Variants in STARD3 observed in about 807,000 individuals in gnomAD.
STARD3 encodes the protein stAR-related lipid transfer protein 3.
In STARD3, 39 loss-of-function variants were observed where a neutral mutation model predicts 62.0. The observed-to-expected ratio is 0.63, with a 90% CI of 0.49 to 0.82. The LOEUF is 0.82. STARD3 is among the 40% of genes least tolerant of loss of function. STARD3 has a pLI of 0.00. For missense variants in STARD3, 543 were observed against 584.5 expected, an observed-to-expected ratio of 0.93 and a Z score of 0.73; for synonymous variants, 229 against 242.4, an observed-to-expected ratio of 0.94 and a Z score of 0.51.
Position 39,663,562 on chromosome 17 carries a change from TCA to T in STARD3, c.*659_*660del, listed in dbSNP as rs1322151370. The stretch of plus-strand genomic sequence containing the variant: ...AGCTTGGATGAAGAGGGAAGACCCC[TCA>T]CACAGCCTCTCCTGGGCTCACAGGA... On this transcript the variant is annotated 3_prime_UTR_variant, in exon 15 of 15. Transcript: ENST00000336308. 1 of 151,662 alleles carries T rather than the reference TCA, an allele frequency of 6.6e-6. No individual in the cohort carries two copies. Among genetic ancestry groups the T allele is most frequent in the Non-Finnish European group, 1.5e-5 (1 of 68,072 alleles). The allele number at this position is 151,662 out of a possible 1,614,324, so 9.4% of individuals were successfully genotyped here.
Position 39,662,338 on chromosome 17 carries a change from T to C in STARD3, c.1227T>C (p.Asp409=). The C allele has an allele frequency of 6.2e-7, 1 of 1,613,746 alleles. No homozygotes were observed. Among genetic ancestry groups the C allele is most frequent in the Non-Finnish European group, 8.5e-7 (1 of 1,179,866 alleles). Residue 409 remains aspartate (D), a synonymous_variant, in exon 14 of 15, where the codon GAT becomes GAC. Coordinates refer to ENST00000336308, the MANE Select transcript of STARD3 (RefSeq NM_006804.4). ...VCTFVWILNT[D]LKGRLPRYLI... is the part of the protein sequence containing the mutation. Reference sequence around the variant, plus strand: ...CCTTTGTCTGGATTCTTAATACAGATCTCAAGGTGGGGTGCTGGGGGGCTG... The same window carrying C: ...CCTTTGTCTGGATTCTTAATACAGACCTCAAGGTGGGGTGCTGGGGGGCTG...
chr17:39,654,508 G>C (rs1322419585), intron 2 of STARD3, among the ~76,000 whole-genome samples: 1 of 152,200 alleles, frequency 6.6e-6, no homozygotes, highest in Non-Finnish European at 1.5e-5. Context: ...CTGGAGACCA[G>C]AGCTGCCCCA....
At chr17:39,656,757 G>A (rs748952758) in intron 2 of STARD3, 81 of 498,350 alleles carry the variant, frequency 1.6e-4, no homozygotes, top group Non-Finnish European at 2.6e-4. Context: ...CCCTTCCTGG[G>A]CAGGGTGCTG....
In STARD3 at chr17:39,662,900, C is replaced by T. The variant is rs188080925; in HGVS notation, c.1330C>T (p.Arg444Trp). The T allele has an allele frequency of 7.5e-5, 121 of 1,611,034 alleles. No homozygotes were observed. The highest frequency in any genetic ancestry group is 2.5e-4 in the East Asian group (11 of 44,588). ...ACAGCGCATCAGCGAGCTGGGGGCC[C>T]GGGCGTGACTGTGCCCCCTCCCACC... ...LRQRISELGA[R>W]A Residue 444 changes from arginine to tryptophan, a missense_variant, in exon 15 of 15, where the codon CGG becomes TGG. Transcript: ENST00000336308.
chr17:39,659,593 A>G, intron 9 of STARD3, 40 bp downstream of exon 9: 1 of 1,599,286 alleles, frequency 6.3e-7, no homozygotes, highest in Non-Finnish European at 8.6e-7. Context: ...CATGCGTGTT[A>G]GGAGTTTCTG....
In STARD3 at chr17:39,653,769, G is replaced by T. The variant is rs371913835; in HGVS notation, c.219+19G>T. The T allele has an allele frequency of 3.1e-6, 5 of 1,613,512 alleles. No homozygotes were observed. Among genetic ancestry groups the T allele is most frequent in the Non-Finnish European group, 4.2e-6 (5 of 1,179,880 alleles). ...ACTGAATGTGAGTGGGGGCGAGGTGGGGGCACAGGCCATGTTGCAGGCCAC... is the reference window on the plus strand; with the variant it reads ...ACTGAATGTGAGTGGGGGCGAGGTGTGGGCACAGGCCATGTTGCAGGCCAC... On this transcript the variant is annotated intron_variant, in intron 2 of 14. Coordinates refer to ENST00000336308, the MANE Select transcript of STARD3 (RefSeq NM_006804.4).
At position 39,660,535 on chromosome 17, in the gene STARD3, A is replaced by G. The variant is rs2057185027; in HGVS notation, c.954+9A>G. The G allele has an allele frequency of 6.2e-7, 1 of 1,613,650 alleles. No homozygotes were observed. Among genetic ancestry groups the G allele is most frequent in the Non-Finnish European group, 8.5e-7 (1 of 1,179,966 alleles). On this transcript the variant is annotated intron_variant, in intron 11 of 14. Transcript: ENST00000336308. The surrounding 1 kb of genome is among the most constrained non-coding windows in gnomAD (Gnocchi z 4.8). Reference sequence around the variant, plus strand: ...CAGTGACTGCCTGCCAGGTGAGCCCAGTCTGGCTGCCTCTTAAGGCACAGA... The same window carrying G: ...CAGTGACTGCCTGCCAGGTGAGCCCGGTCTGGCTGCCTCTTAAGGCACAGA...
Position 39,660,023 on chromosome 17 carries a change from C to T in STARD3, c.796-188C>T. On this transcript the variant is annotated intron_variant, in intron 9 of 14. Transcript: ENST00000336308. The surrounding 1 kb of genome is among the most constrained non-coding windows in gnomAD (Gnocchi z 4.8). ...CGTCTTTTAACTCGACATCAAAAGCCTCTCTCCTGCCAGTGCCATAGGTTT... is the reference window on the plus strand; with the variant it reads ...CGTCTTTTAACTCGACATCAAAAGCTTCTCTCCTGCCAGTGCCATAGGTTT... 1 of 608,654 alleles carries T rather than the reference C, an allele frequency of 1.6e-6. No individual in the cohort carries two copies. The highest frequency in any genetic ancestry group is 2.9e-6 in the Non-Finnish European group (1 of 342,646). The allele number at this position is 608,654 out of a possible 1,614,324, so 37.7% of individuals were successfully genotyped here.
intron 1 of STARD3, among the ~76,000 whole-genome samples, chr17:39,651,106 G>C (rs774421874): frequency 2.6e-5 from 4 of 152,228 alleles, no homozygotes; most frequent in African/African-American, 4.8e-5. Flanking sequence ...CAGCTTTTCC[G>C]TAGCACTGTG....
intron 8 of STARD3, 96 bp downstream of exon 8, chr17:39,659,202 T>A: frequency 6.7e-7 from 1 of 1,503,530 alleles, no homozygotes; most frequent in Non-Finnish European, 9.2e-7. Flanking sequence ...GGTTTCCCAG[T>A]AGAGGCTGAA....
chr17:39,651,474 TG>T (rs1483877097), intron 1 of STARD3, among the ~76,000 whole-genome samples: 1 of 152,124 alleles, frequency 6.6e-6, no homozygotes, highest in East Asian at 1.9e-4. Context: ...TGCTGGGATG[TG>T]GGGAGACTCA....
chr17:39,662,221 A>G lies in STARD3; in HGVS notation c.1140-30A>G, dbSNP rs760111005. ...GGTGTCAGGGCCTCACTCTGTTCCA[A>G]AGTCCCCCCAATGATGCCTCTTTCC... On this transcript the variant is annotated intron_variant, in intron 13 of 14. Coordinates refer to ENST00000336308, the MANE Select transcript of STARD3 (RefSeq NM_006804.4). 13 of 1,604,314 alleles carry G rather than the reference A, an allele frequency of 8.1e-6. No individual in the cohort carries two copies. The East Asian group carries it at 1.1e-4, about 14-fold the overall frequency.
At chr17:39,655,650 C>T (rs1042269092) in intron 2 of STARD3, among the ~76,000 whole-genome samples, 8 of 152,240 alleles carry the variant, frequency 5.3e-5, no homozygotes, top group Admixed American at 1.3e-4. Flanking sequence ...GTAGAGTCCA[C>T]ATGATGTTTC....
At chr17:39,658,365 G>A (rs750336163) in intron 5 of STARD3, 40 bp from the exon 6 acceptor site, 3 of 1,586,778 alleles carry the variant, frequency 1.9e-6, no homozygotes, top group South Asian at 1.1e-5. Context: ...CTGGGTTTGG[G>A]GTGACCCCTG....
intron 2 of STARD3, among the ~76,000 whole-genome samples, chr17:39,655,797 G>A (rs777279458): frequency 6.6e-5 from 10 of 152,106 alleles, no homozygotes; most frequent in South Asian, 2.1e-4. Flanking sequence ...CAGTAGGGTC[G>A]TGCTGAGCAG....
rs996099138 is a variant in STARD3, at chr17:39,645,217, A to T, written c.-52+7986A>T. 2.0e-4 allele frequency among the ~76,000 whole-genome samples: 31 copies of T among 152,258 alleles called. 1 individual carries two copies. The highest frequency in any genetic ancestry group is 1.6e-3 in the Admixed American group (25 of 15,286). Reference sequence around the variant, plus strand: ...CACTCCCCTAAGAGCCTCTGCCAGGAGCCAGGACAGTCCTCTACTTCCTGC... The same window carrying T: ...CACTCCCCTAAGAGCCTCTGCCAGGTGCCAGGACAGTCCTCTACTTCCTGC... On this transcript the variant is annotated intron_variant, in intron 1 of 14. Coordinates refer to ENST00000336308, the MANE Select transcript of STARD3 (RefSeq NM_006804.4).
chr17:39,652,129 G>A (rs894864606), intron 1 of STARD3, among the ~76,000 whole-genome samples: 6 of 152,314 alleles, frequency 3.9e-5, no homozygotes, highest in East Asian at 3.9e-4. Flanking sequence ...CTGAGTGGAC[G>A]TGAACGTGGG....
In STARD3 at chr17:39,663,297, C is replaced by T. The variant is rs924400325; in HGVS notation, c.*389C>T. On this transcript the variant is annotated 3_prime_UTR_variant, in exon 15 of 15. Transcript: ENST00000336308. ...GATGAAGGGGCTCTTCATCTGCCTG[C>T]GCTCTCGTCGGTTTTTTTAGGATTA... 45 of 389,528 alleles carry T rather than the reference C, an allele frequency of 1.2e-4. No individual in the cohort carries two copies. The highest frequency in any genetic ancestry group is 1.4e-4 in the Non-Finnish European group (31 of 220,752). 24.1% of individuals were successfully genotyped at this position (389,528 alleles called of 1,614,324 possible).
At chr17:39,658,213 C>A in intron 5 of STARD3, 187 bp downstream of exon 5, 1 of 838,088 alleles carries the variant, frequency 1.2e-6, no homozygotes, top group Non-Finnish European at 1.9e-6. Flanking sequence ...CCCCTTGCAG[C>A]TCTAGGAATC....
Sources: allele counts gnomAD v4.1 joint callset (sites outside exome capture counted in the v4.1 genomes callset), GRCh38; gene constraint gnomAD v4.1.1; non-coding constraint Gnocchi (gnomAD v3.1); transcripts MANE v1.5; gene names NCBI Gene and HGNC (gene_info 2026-07-23, HGNC 2026-07-21).